The following DPH6 variants were observed in gnomAD, a reference collection of about 807,000 sequenced individuals.
DPH6 encodes diphthamine biosynthesis 6.
In DPH6, 33 loss-of-function variants were observed where a neutral mutation model predicts 38.2. The observed-to-expected ratio is 0.86, with a 90% CI of 0.65 to 1.15. The LOEUF is 1.15. Ranked by LOEUF, DPH6 falls within the 50% of genes most tolerant of loss-of-function variation. The pLI is 0.00. For missense variants in DPH6, 325 were observed against 320.0 expected, an observed-to-expected ratio of 1.02 and a Z score of -0.12; for synonymous variants, 108 against 103.0, an observed-to-expected ratio of 1.05 and a Z score of -0.30.
intron 3 of DPH6, among the ~76,000 whole-genome samples, chr15:35,485,793 C>A (rs1057485540): frequency 4.6e-5 from 7 of 152,130 alleles, no homozygotes; most frequent in Non-Finnish European, 8.8e-5. Flanking sequence ...CCATTGTATG[C>A]GATATTTGGA....
chr15:35,199,496 T>C, the DPH6 span, among the ~76,000 whole-genome samples: 2 of 152,270 alleles, frequency 1.3e-5, no homozygotes, highest in Admixed American at 1.3e-4. Flanking sequence ...TTGTTAGAGG[T>C]AGAAGATATT....
rs891324950 is a variant in DPH6, at chr15:35,304,454, A to G, written n.200+69067T>C. On this transcript the variant is annotated intron_variant and non_coding_transcript_variant, in intron 3 of 3. Transcript: ENST00000560386. ...GGCCCAGTATTATAAACATGATTGCAAAGAGAAGTCCTAAGCTGACAGAAA... is the reference window on the plus strand; with the variant it reads ...GGCCCAGTATTATAAACATGATTGCGAAGAGAAGTCCTAAGCTGACAGAAA... 7.9e-5 allele frequency among the ~76,000 whole-genome samples: 12 copies of G among 152,256 alleles called. 2 individuals carry two copies. Among genetic ancestry groups the G allele is most frequent in the Admixed American group, 5.2e-4 (8 of 15,292 alleles).
chr15:35,381,944 G>A (rs369180853), intron 6 of DPH6, 28 bp from the exon 7 acceptor site: 2 of 1,552,168 alleles, frequency 1.3e-6, no homozygotes, highest in African/African-American at 2.7e-5. Context: ...CAAAAAACAA[G>A]AAAGAAGTTT....
chr15:35,214,015 G>A (rs963165110), downstream of DPH6, among the ~76,000 whole-genome samples: 2 of 152,106 alleles, frequency 1.3e-5, no homozygotes, highest in Non-Finnish European at 2.9e-5. Flanking sequence ...GCGAGGCTGA[G>A]GCAGGAGAAT....
intron 3 of DPH6, among the ~76,000 whole-genome samples, chr15:35,470,191 T>G (rs2054180059): frequency 6.6e-6 from 1 of 152,196 alleles, no homozygotes; most frequent in South Asian, 2.1e-4. Context: ...AGAGCAAGAC[T>G]GTGTCTCAAA....
At chr15:35,172,399 C>T in the DPH6 span, among the ~76,000 whole-genome samples, 3,339 of 152,238 alleles carry the variant, frequency 0.022, 135 homozygotes, top group African/African-American at 0.077. Context: ...CATGTTGGTG[C>T]TCAAAAAGTT....
intron 3 of DPH6, among the ~76,000 whole-genome samples, chr15:35,343,179 A>G (rs948122003): frequency 6.6e-6 from 1 of 152,228 alleles, no homozygotes; most frequent in Non-Finnish European, 1.5e-5. Flanking sequence ...AAAATGTAAG[A>G]TATCTTAACA....
downstream of DPH6, chr15:35,365,990 G>GA: frequency 1.1e-5 from 11 of 985,286 alleles, no homozygotes; most frequent in Non-Finnish European, 1.3e-5. Context: ...CAAAGGTGGG[G>GA]AGAGACAGGG....
chr15:35,338,863 T>A (rs979689510), intron 3 of DPH6, among the ~76,000 whole-genome samples: 24 of 152,260 alleles, frequency 1.6e-4, no homozygotes, highest in African/African-American at 5.1e-4. Flanking sequence ...TAAAAAATGA[T>A]GAGTTCATGT....
At chr15:35,391,268 C>A (rs1432464870) in intron 6 of DPH6, among the ~76,000 whole-genome samples, 1 of 152,196 alleles carries the variant, frequency 6.6e-6, no homozygotes, top group Non-Finnish European at 1.5e-5. Flanking sequence ...GGGTGCCTCC[C>A]AGTTAGGCTA....
intron 3 of DPH6, among the ~76,000 whole-genome samples, chr15:35,345,288 A>G (rs2052452603): frequency 6.6e-6 from 1 of 151,842 alleles, no homozygotes; most frequent in Non-Finnish European, 1.5e-5. Flanking sequence ...TTTGTTTTGC[A>G]CTATTTATAG....
intron 3 of DPH6, among the ~76,000 whole-genome samples, chr15:35,238,970 C>T (rs1038364698): frequency 1.4e-5 from 2 of 146,640 alleles, no homozygotes; most frequent in East Asian, 2.1e-4. Flanking sequence ...ACTCTCTTTT[C>T]GGACTCAGCC....
At chr15:35,376,265 G>T (rs545654031) in intron 7 of DPH6, among the ~76,000 whole-genome samples, 4 of 152,104 alleles carry the variant, frequency 2.6e-5, no homozygotes, top group Non-Finnish European at 5.9e-5. Context: ...TTGAATAAAT[G>T]AATGTACAGT....
chr15:35,535,523 A>G (rs550995427), intron 3 of DPH6, among the ~76,000 whole-genome samples: 1 of 152,270 alleles, frequency 6.6e-6, no homozygotes, highest in East Asian at 1.9e-4. Context: ...ATCCCTACAT[A>G]TATTTCCTAT....
At position 35,238,291 on chromosome 15, in the gene DPH6, G is replaced by A; in HGVS notation, n.201-17709C>T. Reference sequence around the variant, plus strand: ...CCAAAAAAAAAAAAATGACCATTAAGCAGTAAATGAAGTCTTGCTGTCAGG... The same window carrying A: ...CCAAAAAAAAAAAAATGACCATTAAACAGTAAATGAAGTCTTGCTGTCAGG... On this transcript the variant is annotated intron_variant and non_coding_transcript_variant, in intron 3 of 3. Coordinates refer to the DPH6 transcript ENST00000560386. The A allele has an allele frequency of 1.9e-5, 6 of 323,544 alleles. No homozygotes were observed. In the South Asian group the frequency reaches 2.1e-4, roughly 11 times the overall value. The allele number at this position is 323,544 out of a possible 1,614,324, so 20.0% of individuals were successfully genotyped here.
intron 3 of DPH6, among the ~76,000 whole-genome samples, chr15:35,503,261 C>T (rs2054651186): frequency 6.6e-6 from 1 of 151,916 alleles, no homozygotes; most frequent in South Asian, 2.1e-4. Context: ...AGTGATCTCA[C>T]CTACCAAACA....
At chr15:35,452,741 T>C (rs910467645) in intron 4 of DPH6, among the ~76,000 whole-genome samples, 3 of 152,200 alleles carry the variant, frequency 2.0e-5, no homozygotes, top group African/African-American at 7.2e-5. Flanking sequence ...GAACTACCCA[T>C]GTAATACAAA....
chr15:35,542,422 C>G lies in DPH6; in HGVS notation c.109G>C (p.Glu37Gln). The change falls in exon 2 of 9, where the codon GAA becomes CAA. Residue 37 changes from glutamate to glutamine, a missense_variant. Transcript: ENST00000256538. ...AAAGGCATGTACTTACCTTGGTTTT[C>G]AGCTGGTCTTAGATTTGCTAAAGCA... ...IVALANLRPA[E>Q]NQVGSDELDS... is the part of the protein sequence containing the mutation. 2 of 1,567,070 alleles carry G rather than the reference C, an allele frequency of 1.3e-6. No homozygotes were observed. Among genetic ancestry groups the G allele is most frequent in the Non-Finnish European group, 1.7e-6 (2 of 1,144,066 alleles).
intron 6 of DPH6, chr15:35,401,268 TG>T: frequency 1.1e-6 from 1 of 940,988 alleles, no homozygotes; most frequent in Non-Finnish European, 1.7e-6. Flanking sequence ...GTGGTGGTTG[TG>T]GAGACAGTTT....
Sources: gnomAD v4.1 joint callset for allele counts (sites outside exome capture counted in the v4.1 genomes callset) on GRCh38, gnomAD v4.1.1 for gene constraint, MANE v1.5 for transcripts, NCBI Gene and HGNC (gene_info 2026-07-23, HGNC 2026-07-21) for gene names.